ATP2A2: variants seen among roughly 807,000 people sequenced by gnomAD.
ATP2A2 encodes sarcoplasmic/endoplasmic reticulum calcium ATPase 2.
A neutral mutation model predicts 109.3 loss-of-function variants in ATP2A2; 14 were observed. The ratio of observed to expected loss-of-function variants is 0.13; its 90% CI spans 0.08 to 0.20. The LOEUF is 0.20. Ranked by LOEUF, ATP2A2 falls within the 10% of genes least tolerant of loss-of-function variation. The probability of loss-of-function intolerance (pLI) is 1.00; values close to 1 mark genes in which losing one functional copy is unlikely to be tolerated. For synonymous variants in ATP2A2, 506 were observed against 490.9 expected (o/e 1.03, Z -0.41); for missense variants, 657 against 1,321.6 (o/e 0.50, Z 7.80).
intron 5 of ATP2A2, among the ~76,000 whole-genome samples, chr12:110,320,273 T>C (rs1877099222): frequency 6.6e-6 from 1 of 152,182 alleles, no homozygotes; most frequent in South Asian, 2.1e-4. Flanking sequence ...AGGGTTTATA[T>C]ATTGAATTGT....
chr12:110,326,315 G>C (rs1877795752), intron 6 of ATP2A2, 75 bp from the exon 7 acceptor site: 26 of 1,311,292 alleles, frequency 2.0e-5, no homozygotes, highest in Non-Finnish European at 2.6e-5. Flanking sequence ...GGTAATGGGT[G>C]GGCATGAATG....
intron 4 of ATP2A2, among the ~76,000 whole-genome samples, chr12:110,292,764 G>T (rs1341699188): frequency 6.6e-6 from 1 of 152,138 alleles, no homozygotes; most frequent in Non-Finnish European, 1.5e-5. Context: ...TCCAGTCTGG[G>T]CAAAGGAGCA....
chr12:110,319,086 G>A (rs147649596), intron 5 of ATP2A2, among the ~76,000 whole-genome samples: 156 of 152,080 alleles, frequency 1.0e-3, no homozygotes, highest in Non-Finnish European at 2.0e-3. Flanking sequence ...GCACATGCCC[G>A]TAGTCCTAGT....
intron 3 of ATP2A2, among the ~76,000 whole-genome samples, chr12:110,285,398 T>C (rs3026445): frequency 0.42 from 63,573 of 152,036 alleles, 14,800 homozygotes; most frequent in African/African-American, 0.61. Flanking sequence ...ACCAACTTTG[T>C]TCTAAATGTA....
At chr12:110,312,559 T>G (rs1198820526) in intron 5 of ATP2A2, among the ~76,000 whole-genome samples, 1 of 152,032 alleles carries the variant, frequency 6.6e-6, no homozygotes, top group Non-Finnish European at 1.5e-5. Flanking sequence ...TTTTGAAAAC[T>G]GAAGTACAGG....
At chr12:110,302,803 T>C (rs917046524) in intron 5 of ATP2A2, among the ~76,000 whole-genome samples, 4 of 152,150 alleles carry the variant, frequency 2.6e-5, no homozygotes, top group Non-Finnish European at 5.9e-5. Context: ...TTTGCCATAT[T>C]GGCCAGGCTG....
chr12:110,308,340 G>C (rs1875607213), intron 5 of ATP2A2, among the ~76,000 whole-genome samples: 1 of 152,186 alleles, frequency 6.6e-6, no homozygotes, highest in Non-Finnish European at 1.5e-5. Flanking sequence ...GTGTGACATA[G>C]GTGTGGGTCT....
Position 110,339,437 on chromosome 12 carries a change from G to A in ATP2A2, c.1542+34G>A, listed in dbSNP as rs7977524. ...GGCAGATTGCAATTGAGATGTTCTT[G>A]CCAGGGTTAAGATCCCGGTGAACCA... is the stretch of plus-strand genomic sequence containing the variant. On this transcript the variant is annotated intron_variant, in intron 12 of 19. Transcript: ENST00000539276. This position sits in a 1 kb window ranked among gnomAD's most constrained non-coding sequence, Gnocchi z 4.4. The A allele has an allele frequency of 1.2e-6, 2 of 1,614,156 alleles. No individual in the cohort carries two copies. The highest frequency in any genetic ancestry group is 1.7e-6 in the Non-Finnish European group (2 of 1,180,026).
At chr12:110,315,210 G>A (rs1876543751) in intron 5 of ATP2A2, among the ~76,000 whole-genome samples, 1 of 152,182 alleles carries the variant, frequency 6.6e-6, no homozygotes. Context: ...AGGGGAAGAA[G>A]AATGGTGTTT....
intron 3 of ATP2A2, among the ~76,000 whole-genome samples, chr12:110,290,433 A>T (rs371242128): frequency 2.0e-5 from 3 of 152,242 alleles, no homozygotes. Flanking sequence ...GATATGAATA[A>T]TAACTAAATG....
In ATP2A2 at chr12:110,343,340, C is replaced by T. The variant is rs1592864925; in HGVS notation, c.2427C>T (p.Asn809=). 1.2e-6 allele frequency: 2 copies of T among 1,614,194 alleles called. No homozygotes were observed. The highest frequency in any genetic ancestry group is 2.2e-5 in the South Asian group (2 of 91,082). Residue 809 remains asparagine (N), a synonymous_variant, in exon 16 of 20, where the codon AAC becomes AAT. Transcript: ENST00000539276. The part of the protein sequence containing the change: ...DGLPATALGF[N]PPDLDIMNKP... ...TGCCTGCCACTGCACTGGGGTTCAA[C>T]CCTCCTGATCTGGACATCATGAATA...
At chr12:110,312,798 C>G (rs1876224213) in intron 5 of ATP2A2, among the ~76,000 whole-genome samples, 1 of 148,796 alleles carries the variant, frequency 6.7e-6, no homozygotes, top group African/African-American at 2.5e-5. Context: ...TGCAATGAGC[C>G]TAGATTGCAC....
At chr12:110,305,882 G>GTT (rs71083114) in intron 5 of ATP2A2, among the ~76,000 whole-genome samples, 14 of 137,950 alleles carry the variant, frequency 1.0e-4, no homozygotes, top group Non-Finnish European at 1.4e-4. Context: ...TTTTTTTTTT[G>GTT]TTTTTTTTTT....
rs1436078885 is a variant in ATP2A2 at position 110,347,778 on chromosome 12, A to G, written c.*1308A>G. 8 of 1,061,530 alleles carry G rather than the reference A, an allele frequency of 7.5e-6. No individual in the cohort carries two copies. The East Asian group carries it at 6.5e-4, about 86-fold the overall frequency. 65.8% of individuals were successfully genotyped at this position (1,061,530 alleles called of 1,614,324 possible). A position where few individuals can be genotyped will look rare whatever the true frequency, so the allele number is the denominator to read the frequency against. On this transcript the variant is annotated 3_prime_UTR_variant, in exon 20 of 20. Transcript: ENST00000539276. ...GTGTTTTCCTCCAATGCCTTCCAAC[A>G]TCCATCAACTAACGTGAGTATTTTC...
At chr12:110,300,572 C>T (rs571052052) in intron 5 of ATP2A2, among the ~76,000 whole-genome samples, 71 of 150,782 alleles carry the variant, frequency 4.7e-4, no homozygotes, top group Middle Eastern at 3.4e-3. Flanking sequence ...GCCAGGATGA[C>T]CTCGTGATCC....
At chr12:110,323,371 G>T (rs563798453) in intron 6 of ATP2A2, among the ~76,000 whole-genome samples, 1 of 152,110 alleles carries the variant, frequency 6.6e-6, no homozygotes, top group South Asian at 2.1e-4. Context: ...TTTTATTAGA[G>T]ATGGGGTTTT....
At chr12:110,333,915 A>T in intron 10 of ATP2A2, 97 bp from the exon 11 acceptor site, 2 of 1,523,886 alleles carry the variant, frequency 1.3e-6, no homozygotes, top group Non-Finnish European at 1.8e-6. Context: ...GTTGTAATAG[A>T]GGACAGATTG....
chr12:110,286,031 C>G (rs900195607), intron 3 of ATP2A2, among the ~76,000 whole-genome samples: 1 of 150,880 alleles, frequency 6.6e-6, no homozygotes, highest in African/African-American at 2.4e-5. Flanking sequence ...TCAAGTGATT[C>G]TCCTGCCTCA....
intron 5 of ATP2A2, among the ~76,000 whole-genome samples, chr12:110,320,282 GT>G (rs1286646693): frequency 2.6e-5 from 4 of 152,232 alleles, no homozygotes; most frequent in East Asian, 3.9e-4. Flanking sequence ...ATATTGAATT[GT>G]TTAAGTCTGT....
Sources: gnomAD v4.1 joint callset for allele counts (sites outside exome capture counted in the v4.1 genomes callset) on GRCh38, gnomAD v4.1.1 for gene constraint, Gnocchi (gnomAD v3.1) non-coding constraint, MANE v1.5 for transcripts, NCBI Gene and HGNC (gene_info 2026-07-23, HGNC 2026-07-21) for gene names.